The following CIAO3 variants were observed in gnomAD, a reference collection of about 807,000 sequenced individuals.
The protein encoded by CIAO3 is cytosolic iron-sulfur assembly component 3, also known as LET1 like/JFP15.
A neutral mutation model predicts 51.5 loss-of-function variants in CIAO3; 45 were observed. The ratio of observed to expected loss-of-function variants is 0.87; its 90% CI spans 0.69 to 1.12. CIAO3 has a LOEUF of 1.12. CIAO3 is among the 50% of genes most tolerant of loss of function. CIAO3 has a pLI of 0.00. For missense variants in CIAO3, 668 were observed against 632.5 expected, an observed-to-expected ratio of 1.06 and a Z score of -0.60; for synonymous variants, 314 against 269.3, an observed-to-expected ratio of 1.17 and a Z score of -1.63.
intron 2 of CIAO3, chr16:738,273 C>A: frequency 1.0e-6 from 1 of 987,228 alleles, no homozygotes; most frequent in South Asian, 4.7e-5. Context: ...GAAATCGTCT[C>A]TTGGTGCAGT....
intron 3 of CIAO3, among the ~76,000 whole-genome samples, chr16:736,675 G>A (rs866081131): frequency 2.0e-5 from 3 of 150,842 alleles, no homozygotes; most frequent in Non-Finnish European, 3.0e-5. Flanking sequence ...CAAGGGTATC[G>A]TTTTTTTTTG....
intron 9 of CIAO3, chr16:731,298 G>A: frequency 1.6e-6 from 1 of 607,238 alleles, no homozygotes; most frequent in Non-Finnish European, 2.8e-6. Flanking sequence ...CCTGCGCCAG[G>A]CACCCATCAC....
In CIAO3 at chr16:737,564, C is replaced by T. The variant is rs2041352179; in HGVS notation, c.163-235G>A. ...CCACTTGGTTAGTGCATCCGAATCA[C>T]AGGACTAAGGCTTGCCACTGGTATC... is the stretch of plus-strand genomic sequence containing the variant. On this transcript the variant is annotated intron_variant, in intron 2 of 10. Coordinates refer to ENST00000251588, the MANE Select transcript of CIAO3 (RefSeq NM_022493.3). This position sits in a 1 kb window ranked among gnomAD's most constrained non-coding sequence, Gnocchi z 5.3. 1.3e-6 allele frequency: 2 copies of T among 1,484,512 alleles called. No homozygotes were observed. The highest frequency in any genetic ancestry group is 4.1e-5 in the Admixed American group (2 of 49,128). The allele number at this position is 1,484,512 out of a possible 1,614,324, so 92.0% of individuals were successfully genotyped here.
intron 6 of CIAO3, chr16:734,028 G>A: frequency 3.5e-6 from 2 of 568,220 alleles, no homozygotes; most frequent in Middle Eastern, 4.9e-4. Context: ...GGTGAGCAGT[G>A]AGCACCTCTG....
rs751485972 is a variant in CIAO3 at position 737,338 on chromosome 16, G to C, written c.163-9C>G. The C allele has an allele frequency of 2.5e-6, 4 of 1,612,812 alleles. No homozygotes were observed. The highest frequency in any genetic ancestry group is 3.4e-6 in the Non-Finnish European group (4 of 1,179,960). ...CTCCGGGTCCCGCCGTCCTACAAGG[G>C]AGAAGAACCCGGTGCACAGGGGCCC... On this transcript the variant is annotated splice_polypyrimidine_tract_variant and intron_variant, in intron 2 of 10. Coordinates refer to ENST00000251588, the MANE Select transcript of CIAO3 (RefSeq NM_022493.3). The surrounding 1 kb of genome is among the most constrained non-coding windows in gnomAD (Gnocchi z 5.3).
At chr16:731,913 G>C (rs1474647042) in intron 8 of CIAO3, 5 of 656,428 alleles carry the variant, frequency 7.6e-6, no homozygotes, top group Non-Finnish European at 1.2e-5. Flanking sequence ...CTGTCGCCCA[G>C]GCTGGAGTGC....
chr16:736,521 T>G, intron 3 of CIAO3, 123 bp from the exon 4 acceptor site: 1 of 1,105,980 alleles, frequency 9.0e-7, no homozygotes, highest in Non-Finnish European at 1.2e-6. Flanking sequence ...CAAGAGTCTT[T>G]TTTTTTTTTT....
rs2041304136 is a variant in CIAO3, at chr16:733,293, CG to C, written c.823+4del. ...AGGGCTCAGGGCCGCACGGCGTGAC[CG>C]CACCTGTTGTGAGGACACAGTCCAC... On this transcript the variant is annotated splice_donor_region_variant and intron_variant, in intron 7 of 10. Transcript: ENST00000251588. 3.1e-6 allele frequency: 5 copies of C among 1,613,142 alleles called. No individual in the cohort carries two copies. The highest frequency in any genetic ancestry group is 4.2e-6 in the Non-Finnish European group (5 of 1,179,896).
intron 10 of CIAO3, 88 bp from the exon 11 acceptor site, chr16:730,743 C>T: frequency 6.3e-7 from 1 of 1,580,274 alleles, no homozygotes; most frequent in Non-Finnish European, 8.6e-7. Context: ...GACCGGGCCC[C>T]CTCTGTGCCC....
chr16:737,173 G>T lies in CIAO3; in HGVS notation c.306+13C>A. 6.2e-7 allele frequency: 1 copy of T among 1,613,420 alleles called. No individual in the cohort carries two copies. Among genetic ancestry groups the T allele is most frequent in the Non-Finnish European group, 8.5e-7 (1 of 1,179,892 alleles). On this transcript the variant is annotated intron_variant, in intron 3 of 10. Transcript: ENST00000251588. The surrounding 1 kb of genome is among the most constrained non-coding windows in gnomAD (Gnocchi z 5.3). ...CAGGTTAAAGCAGAGTCACCAGGCCGACCACTGCTTACCTTGTTAGCATCT... is the reference window on the plus strand; with the variant it reads ...CAGGTTAAAGCAGAGTCACCAGGCCTACCACTGCTTACCTTGTTAGCATCT...
At position 737,479 on chromosome 16, in the gene CIAO3, T is replaced by A; in HGVS notation, c.163-150A>T. The A allele has an allele frequency of 2.0e-6, 3 of 1,524,000 alleles. No homozygotes were observed. In the South Asian group the frequency reaches 3.6e-5, roughly 18 times the overall value. 94.4% of individuals were successfully genotyped at this position (1,524,000 alleles called of 1,614,324 possible). A position where few individuals can be genotyped will look rare whatever the true frequency, so the allele number is the denominator to read the frequency against. On this transcript the variant is annotated intron_variant, in intron 2 of 10. Coordinates refer to ENST00000251588, the MANE Select transcript of CIAO3 (RefSeq NM_022493.3). This position sits in a 1 kb window ranked among gnomAD's most constrained non-coding sequence, Gnocchi z 5.3. ...GAATTTTTAAAAATTAGGTATGTAT[T>A]ACAAAAATGCACACGCACGCTCTAC...
chr16:731,405 G>A (rs935423118), intron 9 of CIAO3, 160 bp downstream of exon 9: 9 of 1,056,674 alleles, frequency 8.5e-6, no homozygotes, highest in Non-Finnish European at 9.1e-6. Flanking sequence ...CCCTGAGCCC[G>A]CCAGGAGGGC....
Position 736,250 on chromosome 16 carries a change from C to T in CIAO3, c.439+16G>A. On this transcript the variant is annotated intron_variant, in intron 4 of 10. Coordinates refer to ENST00000251588, the MANE Select transcript of CIAO3 (RefSeq NM_022493.3). ...TTGATTTGGAGCGGCAGTGTTACCC[C>T]AGGTTCAAAGCCTACCTATTTTTTT... 6.2e-7 allele frequency: 1 copy of T among 1,612,298 alleles called. No individual in the cohort carries two copies. The highest frequency in any genetic ancestry group is 8.5e-7 in the Non-Finnish European group (1 of 1,179,568).
Position 729,830 on chromosome 16 carries a change from G to A in CIAO3, c.*587C>T. On this transcript the variant is annotated 3_prime_UTR_variant, in exon 11 of 11. Coordinates refer to ENST00000251588, the MANE Select transcript of CIAO3 (RefSeq NM_022493.3). ...ACAGGCCTGGTGGGGACCTGGCTGG[G>A]GGATGATGCAGCCCGCGATGGCTGC... is the stretch of plus-strand genomic sequence containing the variant. The A allele has an allele frequency of 1.3e-6, 1 of 746,904 alleles. No homozygotes were observed. Among genetic ancestry groups the A allele is most frequent in the South Asian group, 1.8e-5 (1 of 54,232 alleles). 46.3% of individuals were successfully genotyped at this position (746,904 alleles called of 1,614,324 possible). A position where few individuals can be genotyped will look rare whatever the true frequency, so the allele number is the denominator to read the frequency against.
At chr16:739,530 C>G (rs1002492694) in intron 2 of CIAO3, 113 bp downstream of exon 2, 2 of 1,067,540 alleles carry the variant, frequency 1.9e-6, no homozygotes, top group Non-Finnish European at 2.9e-6. Flanking sequence ...TGGGAAAAGA[C>G]TGGTGAGACC....
In CIAO3 at chr16:733,722, C is replaced by T. The variant is rs183267357; in HGVS notation, c.694-295G>A. On this transcript the variant is annotated intron_variant, in intron 6 of 10. Coordinates refer to ENST00000251588, the MANE Select transcript of CIAO3 (RefSeq NM_022493.3). ...TCGGGCCGTCTCACTGCACAGCAGCCGGGGAAACGGATGTCACGGGGGAAC... is the reference window on the plus strand; with the variant it reads ...TCGGGCCGTCTCACTGCACAGCAGCTGGGGAAACGGATGTCACGGGGGAAC... The T allele has an allele frequency of 1.1e-4, 48 of 434,772 alleles. No homozygotes were observed. In the East Asian group the frequency reaches 1.9e-3, roughly 18 times the overall value. The allele number at this position is 434,772 out of a possible 1,614,324, so 26.9% of individuals were successfully genotyped here. A position where few individuals can be genotyped will look rare whatever the true frequency, so the allele number is the denominator to read the frequency against.
intron 6 of CIAO3, 132 bp downstream of exon 6, chr16:734,097 G>A (rs944518863): frequency 6.3e-6 from 5 of 792,328 alleles, no homozygotes; most frequent in Admixed American, 1.8e-5. Context: ...AGGGAACAAG[G>A]GTGGAGGTGT....
At position 737,035 on chromosome 16, in the gene CIAO3, A is replaced by T; in HGVS notation, c.306+151T>A. 1 of 965,478 alleles carries T rather than the reference A, an allele frequency of 1.0e-6. No homozygotes were observed. The highest frequency in any genetic ancestry group is 1.6e-6 in the Non-Finnish European group (1 of 639,496). 59.8% of individuals were successfully genotyped at this position (965,478 alleles called of 1,614,324 possible). A position where few individuals can be genotyped will look rare whatever the true frequency, so the allele number is the denominator to read the frequency against. ...ACACGTTCACCACTGGAGCCCACTGACAAATCACCAAGATTCCAAGCCTCA... is the reference window on the plus strand; with the variant it reads ...ACACGTTCACCACTGGAGCCCACTGTCAAATCACCAAGATTCCAAGCCTCA... On this transcript the variant is annotated intron_variant, in intron 3 of 10. Transcript: ENST00000251588. This position sits in a 1 kb window ranked among gnomAD's most constrained non-coding sequence, Gnocchi z 5.3.
chr16:731,015 C>G lies in CIAO3; in HGVS notation c.1035-15G>C, dbSNP rs184648202. The G allele has an allele frequency of 1.3e-5, 21 of 1,611,920 alleles. No homozygotes were observed. Among genetic ancestry groups the G allele is most frequent in the African/African-American group, 9.3e-5 (7 of 74,926 alleles). On this transcript the variant is annotated splice_polypyrimidine_tract_variant and intron_variant, in intron 9 of 10. Coordinates refer to ENST00000251588, the MANE Select transcript of CIAO3 (RefSeq NM_022493.3). ...AGTCTTTGTTCCTGGGGGGCACAGGCGGGGTTTGTCTACATGGCACACCCA... is the reference window on the plus strand; with the variant it reads ...AGTCTTTGTTCCTGGGGGGCACAGGGGGGGTTTGTCTACATGGCACACCCA...
Sources: gnomAD v4.1 joint callset for allele counts (sites outside exome capture counted in the v4.1 genomes callset) on GRCh38, gnomAD v4.1.1 for gene constraint, Gnocchi (gnomAD v3.1) non-coding constraint, MANE v1.5 for transcripts, NCBI Gene and HGNC (gene_info 2026-07-23, HGNC 2026-07-21) for gene names.